The following SENP1 variants were observed in gnomAD, a reference collection of about 807,000 sequenced individuals.
SENP1 encodes the protein SUMO specific peptidase 1.
SENP1 carries 21 observed loss-of-function variants against 93.0 expected under a neutral mutation model. The ratio of observed to expected loss-of-function variants is 0.23; its 90% CI spans 0.16 to 0.33. SENP1 has a LOEUF of 0.33. Among genes scored for constraint, SENP1 ranks in the 10% least tolerant of loss-of-function variants. SENP1 has a pLI of 1.00. For synonymous variants in SENP1, 256 were observed against 259.6 expected (o/e 0.99, Z 0.13); for missense variants, 591 against 758.7 (o/e 0.78, Z 2.60).
chr12:48,074,705 T>C lies in SENP1; in HGVS notation c.641A>G (p.His214Arg). ...KQFTIAKPTT[H>R]FPLHLSRCLS... ...TGTGACTCACAGGTGTAAAGGAAAA[T>C]GTGTGGTGGGTTTGGCTATAGTAAA... The change falls in exon 7 of 18, where the codon CAT becomes CGT. Residue 214 changes from histidine (H) to arginine (R), a missense_variant. By Grantham distance (29) the His-to-Arg change is conservative. Around this residue, in one of 4 missense-constraint regions of SENP1, gnomAD observed 7 missense variants for 26.1 expected, o/e 0.27. Transcript: ENST00000549518. 6.2e-7 allele frequency: 1 copy of C among 1,613,094 alleles called. No homozygotes were observed. The highest frequency in any genetic ancestry group is 8.5e-7 in the Non-Finnish European group (1 of 1,179,408).
chr12:48,068,936 G>A (rs1034992275), intron 9 of SENP1, among the ~76,000 whole-genome samples: 11 of 151,804 alleles, frequency 7.2e-5, no homozygotes, highest in African/African-American at 1.9e-4. Context: ...GTGGAACACC[G>A]GAGGTCAGGA....
intron 17 of SENP1, 147 bp from the exon 18 acceptor site, chr12:48,045,531 T>C: frequency 1.5e-6 from 1 of 650,564 alleles, no homozygotes; most frequent in Non-Finnish European, 2.6e-6. Flanking sequence ...CTTGGTTACA[T>C]GTAGTTTTTT....
At chr12:48,092,527 A>C (rs1945286126) in intron 4 of SENP1, among the ~76,000 whole-genome samples, 2 of 152,224 alleles carry the variant, frequency 1.3e-5, no homozygotes, top group African/African-American at 4.8e-5. Context: ...ACATGCCATA[A>C]GCTTGTTTGA....
chr12:48,052,507 A>G (rs926849477), intron 13 of SENP1, among the ~76,000 whole-genome samples: 1 of 152,174 alleles, frequency 6.6e-6, no homozygotes, highest in Non-Finnish European at 1.5e-5. Context: ...TGATTTTCAA[A>G]TTAAATTTAC....
At chr12:48,065,286 G>A in intron 11 of SENP1, 66 bp from the exon 12 acceptor site, 1 of 1,272,158 alleles carries the variant, frequency 7.9e-7, no homozygotes, top group Non-Finnish European at 1.1e-6. Context: ...ATTTATGATA[G>A]GGTTATGTCC....
chr12:48,105,361 C>A, intron 1 of SENP1: 1 of 518,870 alleles, frequency 1.9e-6, no homozygotes, highest in South Asian at 1.4e-5. Flanking sequence ...CCAGAGATCA[C>A]GTTAGGGTAC....
intron 17 of SENP1, among the ~76,000 whole-genome samples, chr12:48,045,953 G>C (rs1262248074): frequency 6.6e-6 from 1 of 152,112 alleles, no homozygotes; most frequent in Non-Finnish European, 1.5e-5. Flanking sequence ...TCAAGTGAGG[G>C]GTCAGGGGAG....
rs58188197 is a variant in SENP1 at position 48,075,216 on chromosome 12, A to AAAAACAAAAC, written c.553-433_553-424dup. On this transcript the variant is annotated intron_variant, in intron 6 of 17. Transcript: ENST00000549518. ...GGGGGCAGAGCAAGACTCTGTCTCA[A>AAAAACAAAAC]AAAACAAAACAAAACAAAACAAAAC... Among the ~76,000 whole-genome samples, 968 of 150,442 alleles carry AAAAACAAAAC rather than the reference A, an allele frequency of 6.4e-3. 6 individuals are homozygous for AAAAACAAAAC. The highest frequency in any genetic ancestry group is 0.016 in the African/African-American group (657 of 40,902).
intron 1 of SENP1, among the ~76,000 whole-genome samples, chr12:48,104,980 A>C (rs1946376230): frequency 6.6e-6 from 1 of 152,202 alleles, no homozygotes; most frequent in Non-Finnish European, 1.5e-5. Context: ...GAGATGCTTA[A>C]AGTTGCGCTT....
At chr12:48,052,675 T>C (rs1254753657) in intron 13 of SENP1, among the ~76,000 whole-genome samples, 3 of 152,170 alleles carry the variant, frequency 2.0e-5, no homozygotes, top group African/African-American at 7.2e-5. Context: ...TACATGCCAA[T>C]TCAAGGAACA....
intron 5 of SENP1, 124 bp downstream of exon 5, chr12:48,088,677 T>A (rs1945040647): frequency 1.1e-6 from 1 of 879,710 alleles, no homozygotes; most frequent in East Asian, 2.7e-5. Context: ...TTCATATCCT[T>A]AAGGTTTAAA....
intron 6 of SENP1, chr12:48,081,316 C>A (rs112604414): frequency 1.4e-4 from 21 of 152,118 alleles, no homozygotes; most frequent in African/African-American, 4.8e-4. Context: ...AAAAATAAAT[C>A]TTGGGCTCAC....
At chr12:48,105,503 A>G (rs1565824650) in intron 1 of SENP1, 1 of 519,104 alleles carries the variant, frequency 1.9e-6, no homozygotes, top group Non-Finnish European at 3.8e-6. Context: ...GGCACTAGCG[A>G]TATCACATCT....
chr12:48,062,352 T>C (rs1200896855), intron 13 of SENP1, among the ~76,000 whole-genome samples: 1 of 152,216 alleles, frequency 6.6e-6, no homozygotes, highest in Non-Finnish European at 1.5e-5. Context: ...GCTCTTTTTT[T>C]CCATTATTTG....
At position 48,089,374 on chromosome 12, in the gene SENP1, G is replaced by C. The variant is rs1945083530; in HGVS notation, c.221-414C>G. On this transcript the variant is annotated intron_variant, in intron 4 of 17. Transcript: ENST00000549518. ...GTAATTCAAATGAACAACAGTTATT[G>C]ATTACTAAGCAGCTAGTGTCACTTT... 3.3e-5 allele frequency: 42 copies of C among 1,254,998 alleles called. No homozygotes were observed. In the South Asian group the frequency reaches 5.5e-4, roughly 16 times the overall value. 77.7% of individuals were successfully genotyped at this position (1,254,998 alleles called of 1,614,324 possible).
At chr12:48,082,484 A>C (rs1944556830) in intron 6 of SENP1, among the ~76,000 whole-genome samples, 1 of 152,190 alleles carries the variant, frequency 6.6e-6, no homozygotes, top group South Asian at 2.1e-4. Flanking sequence ...AAACATGACT[A>C]TTACCTCATC....
chr12:48,077,191 T>C (rs1386388527), intron 6 of SENP1, among the ~76,000 whole-genome samples: 1 of 152,228 alleles, frequency 6.6e-6, no homozygotes, highest in African/African-American at 2.4e-5. Context: ...CAACCCCTTA[T>C]AGAATGGATG....
chr12:48,061,108 T>C (rs549942764), intron 13 of SENP1, among the ~76,000 whole-genome samples: 92 of 152,290 alleles, frequency 6.0e-4, no homozygotes, highest in African/African-American at 7.7e-4. Flanking sequence ...ATCCCAAACA[T>C]AGGATTTCTG....
Position 48,074,457 on chromosome 12 carries a change from T to C in SENP1, c.807A>G (p.Val269=), listed in dbSNP as rs1943922965. 6.2e-7 allele frequency: 1 copy of C among 1,613,810 alleles called. No individual in the cohort carries two copies. The highest frequency in any genetic ancestry group is 1.1e-5 in the South Asian group (1 of 91,090). The part of the protein sequence containing the change: ...LTNQEQLSHS[V]YSLSSYTPDV... Reference sequence around the variant, plus strand: ...CTGGGGTATAAGAAGATAGGGAATATACACTGTGGGACAGCTGTTCCTGGT... The same window carrying C: ...CTGGGGTATAAGAAGATAGGGAATACACACTGTGGGACAGCTGTTCCTGGT... The change falls in exon 8 of 18, where the codon GTA becomes GTG. Residue 269 remains valine, a synonymous_variant. Coordinates refer to ENST00000549518, the MANE Select transcript of SENP1 (RefSeq NM_001267594.2).
Sources: gnomAD v4.1 joint callset for allele counts (sites outside exome capture counted in the v4.1 genomes callset) on GRCh38, gnomAD v4.1.1 for gene constraint, gnomAD v4.1.1 regional missense constraint, MANE v1.5 for transcripts, NCBI Gene and HGNC (gene_info 2026-07-23, HGNC 2026-07-21) for gene names.